The following FGF12 variants were observed in gnomAD, a reference collection of about 807,000 sequenced individuals.
FGF12 encodes the protein fibroblast growth factor 12.
A neutral mutation model predicts 23.6 loss-of-function variants in FGF12; 14 were observed. The ratio of observed to expected loss-of-function variants is 0.59; its 90% CI spans 0.39 to 0.93. The LOEUF (loss-of-function observed/expected upper bound fraction) is 0.93, where lower values mean the gene tolerates loss of function less well. Ranked by LOEUF, FGF12 falls within the 40% of genes least tolerant of loss-of-function variation. The pLI, the probability that FGF12 is intolerant of heterozygous loss-of-function variation, is 0.00. For synonymous variants in FGF12, 62 were observed against 77.3 expected (o/e 0.80, Z 1.04); for missense variants, 175 against 217.8 (o/e 0.80, Z 1.24).
At chr3:192,571,091 A>G (rs1429686193) in intron 2 of FGF12, among the ~76,000 whole-genome samples, 1 of 152,124 alleles carries the variant, frequency 6.6e-6, no homozygotes, top group African/African-American at 2.4e-5. Context: ...GGGGGAAAAA[A>G]CAAACCTTAT....
chr3:192,239,427 G>T (rs893542147), intron 4 of FGF12, among the ~76,000 whole-genome samples: 3 of 152,110 alleles, frequency 2.0e-5, no homozygotes, highest in Admixed American at 6.6e-5. Context: ...TACCAAATTG[G>T]GACAAAGCCG....
chr3:192,383,659 G>T (rs752878765), intron 2 of FGF12, among the ~76,000 whole-genome samples: 16 of 152,074 alleles, frequency 1.1e-4, no homozygotes, highest in Admixed American at 2.6e-4. Context: ...TTTGTGCAAA[G>T]GTGTTTAGGT....
intron 2 of FGF12, among the ~76,000 whole-genome samples, chr3:192,600,406 TA>T (rs1392422901): frequency 1.3e-5 from 2 of 151,842 alleles, no homozygotes; most frequent in Non-Finnish European, 2.9e-5. Context: ...ATTTTATGAT[TA>T]AAAAAAATCC....
chr3:192,301,529 G>T (rs1715348293), intron 4 of FGF12, among the ~76,000 whole-genome samples: 1 of 152,274 alleles, frequency 6.6e-6, no homozygotes. Flanking sequence ...GGAGAGACAG[G>T]CATTAGTTAA....
intron 4 of FGF12, among the ~76,000 whole-genome samples, chr3:192,234,717 G>A (rs1577262400): frequency 6.6e-6 from 1 of 152,190 alleles, no homozygotes; most frequent in East Asian, 1.9e-4. Flanking sequence ...TCTTTCAATG[G>A]TTAGTTTGTT....
At chr3:192,331,331 AAC>A (rs1264214068) in intron 4 of FGF12, among the ~76,000 whole-genome samples, 169 of 145,534 alleles carry the variant, frequency 1.2e-3, no homozygotes, top group Admixed American at 9.8e-3. Flanking sequence ...AAAAAAAAAA[AAC>A]AAAAACAAAA....
At chr3:192,238,966 C>A (rs1282243360) in intron 4 of FGF12, among the ~76,000 whole-genome samples, 1 of 152,190 alleles carries the variant, frequency 6.6e-6, no homozygotes, top group Admixed American at 6.5e-5. Flanking sequence ...CAGTACTCAT[C>A]TTGGAAAGTA....
chr3:192,387,972 T>C (rs1485133497), intron 2 of FGF12, among the ~76,000 whole-genome samples: 2 of 152,120 alleles, frequency 1.3e-5, no homozygotes, highest in African/African-American at 4.8e-5. Flanking sequence ...TAATTGAACA[T>C]ACATAAGGCC....
At chr3:192,191,546 G>A (rs946602780) in intron 4 of FGF12, among the ~76,000 whole-genome samples, 3 of 152,154 alleles carry the variant, frequency 2.0e-5, no homozygotes, top group African/African-American at 4.8e-5. Context: ...TCTAAAAATA[G>A]TCTTTAAGGC....
intron 2 of FGF12, among the ~76,000 whole-genome samples, chr3:192,720,006 A>C (rs1323587414): frequency 6.6e-6 from 1 of 152,222 alleles, no homozygotes; most frequent in Non-Finnish European, 1.5e-5. Context: ...AGGTAGGGAG[A>C]GATTGGCATT....
chr3:192,447,164 T>C (rs1212845701), intron 2 of FGF12, among the ~76,000 whole-genome samples: 1 of 152,208 alleles, frequency 6.6e-6, no homozygotes, highest in Non-Finnish European at 1.5e-5. Context: ...CACTCATTTG[T>C]TGCTGTGTTC....
chr3:192,240,149 A>G (rs1719531124), intron 4 of FGF12, among the ~76,000 whole-genome samples: 1 of 152,202 alleles, frequency 6.6e-6, no homozygotes, highest in Non-Finnish European at 1.5e-5. Flanking sequence ...CTCAGAGGAA[A>G]TAGTACAAAA....
At chr3:192,278,763 C>CA (rs1713957336) in intron 4 of FGF12, among the ~76,000 whole-genome samples, 1 of 152,078 alleles carries the variant, frequency 6.6e-6, no homozygotes, top group Non-Finnish European at 1.5e-5. Flanking sequence ...TTGGAGAGCC[C>CA]ACAAAGGGAA....
intron 2 of FGF12, among the ~76,000 whole-genome samples, chr3:192,629,007 C>G (rs575557871): frequency 6.6e-6 from 1 of 152,118 alleles, no homozygotes; most frequent in Non-Finnish European, 1.5e-5. Flanking sequence ...ACCATTTCCT[C>G]TCTCTGGAAC....
At chr3:192,588,334 A>G (rs1328534803) in intron 2 of FGF12, among the ~76,000 whole-genome samples, 1 of 140,586 alleles carries the variant, frequency 7.1e-6, no homozygotes, top group Non-Finnish European at 1.5e-5. Context: ...TGGGCGACAG[A>G]GCAACAATCC....
chr3:192,600,390 A>T (rs1714065017), intron 2 of FGF12, among the ~76,000 whole-genome samples: 1 of 152,046 alleles, frequency 6.6e-6, no homozygotes, highest in Non-Finnish European at 1.5e-5. Flanking sequence ...TTGTGGTTCC[A>T]TACAAATTTT....
At chr3:192,236,407 A>G (rs1238540061) in intron 4 of FGF12, among the ~76,000 whole-genome samples, 1 of 152,110 alleles carries the variant, frequency 6.6e-6, no homozygotes, top group Non-Finnish European at 1.5e-5. Context: ...CATTTGATAT[A>G]TCTTTGTTAG....
chr3:192,322,200 T>A (rs944433037), intron 4 of FGF12, among the ~76,000 whole-genome samples: 8 of 151,748 alleles, frequency 5.3e-5, no homozygotes, highest in African/African-American at 1.7e-4. Flanking sequence ...AAAAGAAATT[T>A]AAAAAAATCA....
intron 2 of FGF12, among the ~76,000 whole-genome samples, chr3:192,626,149 A>G (rs1715160015): frequency 6.6e-6 from 1 of 152,204 alleles, no homozygotes; most frequent in South Asian, 2.1e-4. Context: ...AAATGATTAA[A>G]TGCTTCATAA....
Sources: allele counts gnomAD v4.1 joint callset (sites outside exome capture counted in the v4.1 genomes callset), GRCh38; gene constraint gnomAD v4.1.1; transcripts MANE v1.5; gene names NCBI Gene and HGNC (gene_info 2026-07-23, HGNC 2026-07-21).